MACF1: variants seen among roughly 807,000 people sequenced by gnomAD.
MACF1 encodes microtubule-actin cross-linking factor 1.
In MACF1, 193 loss-of-function variants were observed where a neutral mutation model predicts 854.8. The observed-to-expected ratio is 0.23, with a 90% CI of 0.20 to 0.25. The LOEUF is 0.25. Among genes scored for constraint, MACF1 ranks in the 10% least tolerant of loss-of-function variants. The pLI is 1.00. For synonymous variants in MACF1, 3,185 were observed against 3,226.7 expected, an observed-to-expected ratio of 0.99 and a Z score of 0.44; for missense variants, 7,722 against 8,929.1, an observed-to-expected ratio of 0.86 and a Z score of 5.45.
Position 39,388,433 on chromosome 1 carries a change from T to G in MACF1, c.15591T>G (p.Gly5197=). ...LEEEGTLDLL[G]LKRELEALNK... ...AAGAGGGGACTCTGGATTTGTTAGG[T>G]CTCAAAAGGGAGCTAGAAGCCCTGA... Residue 5197 remains glycine (G), a synonymous_variant, in exon 58 of 101, where the codon GGT becomes GGG. Transcript: ENST00000564288. 1 of 1,613,940 alleles carries G rather than the reference T, an allele frequency of 6.2e-7. No individual in the cohort carries two copies. The highest frequency in any genetic ancestry group is 8.5e-7 in the Non-Finnish European group (1 of 1,179,966).
chr1:39,358,938 A>C (rs1647829559), intron 46 of MACF1, 65 bp downstream of exon 46: 10 of 1,521,608 alleles, frequency 6.6e-6, no homozygotes, highest in Non-Finnish European at 7.1e-6. Context: ...AAAGTACCCC[A>C]AAATAAAGCA....
At chr1:39,297,888 C>G in intron 21 of MACF1, 143 bp downstream of exon 21, 1 of 913,748 alleles carries the variant, frequency 1.1e-6, no homozygotes, top group Non-Finnish European at 1.6e-6. Flanking sequence ...AGAGTTTAAT[C>G]GATGTTGTTC....
intron 2 of MACF1, among the ~76,000 whole-genome samples, chr1:39,109,447 AT>A (rs970648793): frequency 1.7e-3 from 256 of 149,718 alleles, no homozygotes; most frequent in African/African-American, 5.7e-3. Flanking sequence ...TTTTTTCTAT[AT>A]TTTTTTTTAG....
intron 2 of MACF1, among the ~76,000 whole-genome samples, chr1:39,141,790 G>T (rs566291201): frequency 5.3e-5 from 8 of 152,290 alleles, no homozygotes; most frequent in East Asian, 1.9e-4. Flanking sequence ...GATGAAATGC[G>T]TGTATCTTGG....
chr1:39,239,014 G>T (rs1016422563), intron 2 of MACF1, among the ~76,000 whole-genome samples: 2 of 152,174 alleles, frequency 1.3e-5, no homozygotes, highest in African/African-American at 4.8e-5. Context: ...AGGCATGGTG[G>T]TTCATGCCTG....
chr1:39,463,853 G>C (rs567342360), intron 94 of MACF1, 167 bp downstream of exon 94: 6 of 579,738 alleles, frequency 1.0e-5, no homozygotes, highest in African/African-American at 1.9e-5. Context: ...TGTTACATCT[G>C]AAAACTAGTC....
At chr1:39,092,923 C>G (rs2148122529) in intron 2 of MACF1, among the ~76,000 whole-genome samples, 1 of 152,180 alleles carries the variant, frequency 6.6e-6, no homozygotes, top group African/African-American at 2.4e-5. Context: ...ACTGGGATTA[C>G]AGGTGCCTGA....
chr1:39,342,710 G>C (rs1646963352), intron 40 of MACF1, among the ~76,000 whole-genome samples: 1 of 151,818 alleles, frequency 6.6e-6, no homozygotes, highest in African/African-American at 2.4e-5. Context: ...CAGTAGAGAG[G>C]GGTTTCACCA....
In MACF1 at chr1:39,349,594, C is replaced by G. The variant is rs1268658395; in HGVS notation, c.10932C>G (p.Leu3644=). The G allele has an allele frequency of 6.2e-7, 1 of 1,614,064 alleles. No individual in the cohort carries two copies. The highest frequency in any genetic ancestry group is 8.5e-7 in the Non-Finnish European group (1 of 1,180,010). ...AAGGCAGAACCACCCAGCAGGATCT[C>G]TCTGCTTTGCAGAAGAACCAAAGTG... is the stretch of plus-strand genomic sequence containing the variant. The part of the protein sequence containing the change: ...GHQGRTTQQD[L]SALQKNQSDL... Residue 3644 remains leucine, a synonymous_variant, in exon 42 of 101, where the codon CTC becomes CTG. Coordinates refer to ENST00000564288, the MANE Select transcript of MACF1 (RefSeq NM_001394062.1).
intron 87 of MACF1, 83 bp from the exon 88 acceptor site, chr1:39,453,624 A>G: frequency 8.1e-7 from 1 of 1,235,316 alleles, no homozygotes; most frequent in Middle Eastern, 2.1e-4. Flanking sequence ...GAAAACATTG[A>G]AATTTATCCC....
rs758773350 is a variant in MACF1, at chr1:39,437,766, C to T, written c.17989-11C>T. On this transcript the variant is annotated splice_polypyrimidine_tract_variant and intron_variant, in intron 70 of 100. Transcript: ENST00000564288. Reference sequence around the variant, plus strand: ...GTATGCTGTGATGGTAATGTTCCAACATTTGTTTAGTTTCATGATAAAATT... The same window carrying T: ...GTATGCTGTGATGGTAATGTTCCAATATTTGTTTAGTTTCATGATAAAATT... The T allele has an allele frequency of 1.9e-5, 31 of 1,590,554 alleles. No individual in the cohort carries two copies. The highest frequency in any genetic ancestry group is 2.1e-5 in the Non-Finnish European group (24 of 1,158,608).
At chr1:39,457,973 A>C (rs1644474527) in intron 89 of MACF1, 1 of 159,756 alleles carries the variant, frequency 6.3e-6, no homozygotes, top group African/African-American at 2.4e-5. Flanking sequence ...TGGAAGGCAA[A>C]GGGGAGCCAG....
chr1:39,387,658 A>G lies in MACF1; in HGVS notation c.14816A>G (p.Glu4939Gly). 1 of 1,614,214 alleles carries G rather than the reference A, an allele frequency of 6.2e-7. No homozygotes were observed. The highest frequency in any genetic ancestry group is 8.5e-7 in the Non-Finnish European group (1 of 1,180,034). Residue 4939 changes from glutamate (E) to glycine (G), a missense_variant, in exon 58 of 101, where the codon GAG (glutamate) becomes GGG (glycine). This residue lies in a region of MACF1 where 2,807 missense variants were observed against 3,235.8 expected (regional missense o/e 0.87). Transcript: ENST00000564288. ...LRVTLDPVQL[E>G]SSLLRSKAML... ...GTCACTCTGGATCCAGTGCAGCTAG[A>G]GTCCAGTCTCCTAAGATCAAAGGCT...
intron 38 of MACF1, among the ~76,000 whole-genome samples, chr1:39,338,704 A>T (rs1646871782): frequency 6.6e-6 from 1 of 152,196 alleles, no homozygotes. Flanking sequence ...CAGTAGGATT[A>T]ACTGGAAGTT....
chr1:39,350,276 G>C (rs1241162615), intron 42 of MACF1, among the ~76,000 whole-genome samples: 1 of 152,174 alleles, frequency 6.6e-6, no homozygotes, highest in Non-Finnish European at 1.5e-5. Context: ...TATTGGTCTT[G>C]AGGTGGGTAT....
intron 2 of MACF1, among the ~76,000 whole-genome samples, chr1:39,170,433 T>C (rs1643933254): frequency 6.6e-6 from 1 of 152,202 alleles, no homozygotes; most frequent in African/African-American, 2.4e-5. Context: ...TGTGCTGTGC[T>C]CTGCACTGGG....
At chr1:39,345,533 C>T (rs111623477) in intron 40 of MACF1, among the ~76,000 whole-genome samples, 19,442 of 152,132 alleles carry the variant, frequency 0.13, 1,552 homozygotes, top group East Asian at 0.17. Flanking sequence ...ATTGCTTGAG[C>T]CCAGGAGGTC....
intron 44 of MACF1, among the ~76,000 whole-genome samples, chr1:39,355,535 C>T (rs1425474124): frequency 1.5e-5 from 2 of 129,544 alleles, no homozygotes; most frequent in Non-Finnish European, 3.1e-5. Flanking sequence ...GGCACAATCT[C>T]GGCTCACTGC....
At chr1:39,252,236 G>C (rs1014346733) in intron 4 of MACF1, among the ~76,000 whole-genome samples, 1 of 152,152 alleles carries the variant, frequency 6.6e-6, no homozygotes, top group Non-Finnish European at 1.5e-5. Flanking sequence ...TAGCTTTCTG[G>C]TGGCCTTGCT....
Sources: gnomAD v4.1 joint callset for allele counts (sites outside exome capture counted in the v4.1 genomes callset) on GRCh38, gnomAD v4.1.1 for gene constraint, gnomAD v4.1.1 regional missense constraint, MANE v1.5 for transcripts, NCBI Gene and HGNC (gene_info 2026-07-23, HGNC 2026-07-21) for gene names.